The following A2M variants were observed in gnomAD, a reference collection of about 807,000 sequenced individuals.
A2M encodes alpha-2-macroglobulin.
In A2M, 128 loss-of-function variants were observed where a neutral mutation model predicts 183.9. The ratio of observed to expected loss-of-function variants is 0.70; its 90% CI spans 0.60 to 0.81. The LOEUF is 0.81. Among genes scored for constraint, A2M ranks in the 30% least tolerant of loss-of-function variants. A2M has a pLI of 0.00. For synonymous variants in A2M, 592 were observed against 670.8 expected (o/e 0.88, Z 1.81); for missense variants, 1,495 against 1,787.6 (o/e 0.84, Z 2.95).
chr12:9,105,094 A>G (rs1324376550), intron 10 of A2M, among the ~76,000 whole-genome samples: 1 of 152,180 alleles, frequency 6.6e-6, no homozygotes, highest in African/African-American at 2.4e-5. Context: ...TACTGCTAAT[A>G]TTGTATTGGC....
chr12:9,076,767 GCT>G lies in A2M; in HGVS notation c.3519_3520del (p.Glu1173AspfsTer32), dbSNP rs1948758502. 4 of 1,613,806 alleles carry G rather than the reference GCT, an allele frequency of 2.5e-6. No homozygotes were observed. Among genetic ancestry groups the G allele is most frequent in the Non-Finnish European group, 3.4e-6 (4 of 1,179,844 alleles). ...AGGTGTGCTCTCACCTTTCTTCACAGCTTCCTCATTAAGTGACTTGAGTACTT... is the reference window on the plus strand; with the variant it reads ...AGGTGTGCTCTCACCTTTCTTCACAGTCCTCATTAAGTGACTTGAGTACTT... On this transcript the variant is annotated frameshift_variant, in exon 28 of 36. Transcript: ENST00000318602. LOFTEE classifies it high-confidence loss of function.
At position 9,104,378 on chromosome 12, in the gene A2M, C is replaced by T. The variant is rs1160669299; in HGVS notation, c.1127G>A (p.Gly376Asp). 6.3e-7 allele frequency: 1 copy of T among 1,594,708 alleles called. No homozygotes were observed. Among genetic ancestry groups the T allele is most frequent in the Non-Finnish European group, 8.6e-7 (1 of 1,169,578 alleles). The change falls in exon 11 of 36, where the codon GGC becomes GAC. Residue 376 changes from glycine (G) to aspartate (D), a missense_variant. Gly to Asp is a moderately conservative substitution (Grantham distance 94, BLOSUM62 -1). Transcript: ENST00000318602. ...TATGACTTTATTTGGTATAGGGACG[C>T]CTTTCCCATCTACTAGGCGCACCTG... ...FGQVRLVDGKGVPIPNKVIFI... is the reference protein window; with the variant it reads ...FGQVRLVDGKDVPIPNKVIFI...
At position 9,104,223 on chromosome 12, in the gene A2M, T is replaced by G; in HGVS notation, c.1266+16A>C. 6.2e-7 allele frequency: 1 copy of G among 1,601,712 alleles called. No homozygotes were observed. The highest frequency in any genetic ancestry group is 8.5e-7 in the Non-Finnish European group (1 of 1,175,430). ...AAGGCTACTTCATGTCATTGGTAAT[T>G]TCTTTCCAAACTTACCCTAACAGTA... On this transcript the variant is annotated intron_variant, in intron 11 of 35. Coordinates refer to ENST00000318602, the MANE Select transcript of A2M (RefSeq NM_000014.6).
chr12:9,073,329 GAGCA>G, intron 29 of A2M, among the ~76,000 whole-genome samples: 1 of 151,466 alleles, frequency 6.6e-6, no homozygotes, highest in African/African-American at 2.4e-5. Flanking sequence ...TTGCAGCCAT[GAGCA>G]GAGTCATGCT....
At chr12:9,093,145 G>A (rs766685347) in intron 18 of A2M, among the ~76,000 whole-genome samples, 2 of 152,144 alleles carry the variant, frequency 1.3e-5, no homozygotes, top group Non-Finnish European at 2.9e-5. Context: ...TACGTAGGAT[G>A]AATAAATTTA....
intron 22 of A2M, among the ~76,000 whole-genome samples, chr12:9,082,105 C>T (rs1948924809): frequency 6.6e-6 from 1 of 152,190 alleles, no homozygotes; most frequent in Admixed American, 6.5e-5. Context: ...GTTAAATATG[C>T]TTGACCTGGG....
chr12:9,110,463 T>C, intron 4 of A2M, 129 bp from the exon 5 acceptor site: 1 of 513,840 alleles, frequency 1.9e-6, no homozygotes. Flanking sequence ...TAATTGTACA[T>C]TTAAAAATAA....
chr12:9,072,275 T>A, intron 31 of A2M, 84 bp downstream of exon 31: 1 of 1,481,300 alleles, frequency 6.8e-7, no homozygotes, highest in Non-Finnish European at 9.2e-7. Context: ...TATCTACTGT[T>A]GCACTGCTTT....
intron 17 of A2M, 52 bp from the exon 18 acceptor site, chr12:9,093,631 T>A: frequency 2.0e-6 from 2 of 1,023,662 alleles, no homozygotes; most frequent in Non-Finnish European, 2.7e-6. Flanking sequence ...ATAAAGCTTA[T>A]GAGAGAATGT....
At chr12:9,068,637 A>T in intron 34 of A2M, 103 bp downstream of exon 34, 1 of 925,116 alleles carries the variant, frequency 1.1e-6, no homozygotes. Context: ...ATGAAGTGAT[A>T]ATGTAATTAC....
chr12:9,089,196 T>C lies in A2M; in HGVS notation c.2770+4A>G, dbSNP rs1200013559. 6.3e-7 allele frequency: 1 copy of C among 1,580,360 alleles called. No homozygotes were observed. Among genetic ancestry groups the C allele is most frequent in the Non-Finnish European group, 8.6e-7 (1 of 1,159,130 alleles). The stretch of plus-strand genomic sequence containing the variant: ...TTTTTTAAATTATGATGGTTGACTC[T>C]TACCTGATGGACAAAGTAGGGAGTT... On this transcript the variant is annotated splice_donor_region_variant and intron_variant, in intron 22 of 35. Transcript: ENST00000318602.
intron 8 of A2M, among the ~76,000 whole-genome samples, chr12:9,107,194 T>A (rs1938360544): frequency 6.6e-6 from 1 of 152,064 alleles, no homozygotes; most frequent in South Asian, 2.1e-4. Flanking sequence ...ATGTGATAGG[T>A]TCTTGTTCAC....
intron 11 of A2M, among the ~76,000 whole-genome samples, chr12:9,103,949 A>G (rs967695130): frequency 2.0e-5 from 3 of 152,128 alleles, no homozygotes; most frequent in Non-Finnish European, 4.4e-5. Flanking sequence ...TTACTGGATC[A>G]TTTGGTAATT....
chr12:9,113,298 A>G lies in A2M; in HGVS notation c.270+62T>C. ...CTCCCAAAGCCTCATCTGACAGAAT[A>G]CTAGATCCCTATGACCCTGACTAAA... On this transcript the variant is annotated intron_variant, in intron 2 of 35. Transcript: ENST00000318602. 5 of 1,560,670 alleles carry G rather than the reference A, an allele frequency of 3.2e-6. No homozygotes were observed. In the South Asian group the frequency reaches 6.0e-5, roughly 19 times the overall value.
chr12:9,098,818 G>C (rs375931451), intron 14 of A2M, 62 bp from the exon 15 acceptor site: 5 of 1,561,496 alleles, frequency 3.2e-6, no homozygotes, highest in Non-Finnish European at 4.4e-6. Context: ...GCATTCACTC[G>C]CATTTGCAGA....
intron 17 of A2M, among the ~76,000 whole-genome samples, chr12:9,093,788 C>T (rs1252913647): frequency 1.3e-5 from 2 of 149,314 alleles, no homozygotes; most frequent in African/African-American, 5.2e-5. Flanking sequence ...AGGCCGGGCG[C>T]GGTGGCTCAT....
At position 9,106,248 on chromosome 12, in the gene A2M, G is replaced by A; in HGVS notation, c.1092C>T (p.Pro364=). 1 of 1,609,016 alleles carries A rather than the reference G, an allele frequency of 6.2e-7. No individual in the cohort carries two copies. Among genetic ancestry groups the A allele is most frequent in the Non-Finnish European group, 8.5e-7 (1 of 1,175,444 alleles). Residue 364 remains proline (P), a synonymous_variant, in exon 10 of 36, where the codon CCC becomes CCT. Transcript: ENST00000318602. ...GAAAATACTCCACCTGCCCAAAGAA[G>A]GGAATTCCCTGTCGAAAGTGTGAGT... is the stretch of plus-strand genomic sequence containing the variant. ...KVDSHFRQGI[P]FFGQVRLVDG...
At chr12:9,082,500 T>C (rs2137723882) in intron 22 of A2M, among the ~76,000 whole-genome samples, 1 of 152,340 alleles carries the variant, frequency 6.6e-6, no homozygotes, top group Middle Eastern at 3.4e-3. Context: ...CTCTGCCTGC[T>C]CAAGGTTGTC....
Position 9,106,474 on chromosome 12 carries a change from C to T in A2M, c.994+17G>A, listed in dbSNP as rs757933442. The T allele has an allele frequency of 4.6e-6, 7 of 1,515,860 alleles. No homozygotes were observed. In the African/African-American group the frequency reaches 9.6e-5, roughly 21 times the overall value. The allele number at this position is 1,515,860 out of a possible 1,614,324, so 93.9% of individuals were successfully genotyped here. On this transcript the variant is annotated intron_variant, in intron 9 of 35. Coordinates refer to ENST00000318602, the MANE Select transcript of A2M (RefSeq NM_000014.6). Reference sequence around the variant, plus strand: ...ATGCCTGTTGTGTTTTCTCTTATACCCATGTAGTACACAAACCTGTTCCTT... The same window carrying T: ...ATGCCTGTTGTGTTTTCTCTTATACTCATGTAGTACACAAACCTGTTCCTT...
Sources: gnomAD v4.1 joint callset for allele counts (sites outside exome capture counted in the v4.1 genomes callset) on GRCh38, gnomAD v4.1.1 for gene constraint, MANE v1.5 for transcripts, NCBI Gene and HGNC (gene_info 2026-07-23, HGNC 2026-07-21) for gene names.